The following PDZRN3 variants were observed in gnomAD, a reference collection of about 807,000 sequenced individuals.
PDZRN3 encodes PDZ domain containing ring finger 3.
Under a neutral mutation model 85.7 loss-of-function variants are expected in PDZRN3, and 38 were observed. The observed-to-expected ratio is 0.44, with a 90% CI of 0.34 to 0.58. The LOEUF (loss-of-function observed/expected upper bound fraction) is 0.58, where lower values mean the gene tolerates loss of function less well. Among genes scored for constraint, PDZRN3 ranks in the 20% least tolerant of loss-of-function variants. The pLI is 0.01. For synonymous variants in PDZRN3, 759 were observed against 638.0 expected, an observed-to-expected ratio of 1.19 and a Z score of -2.86; for missense variants, 1,629 against 1,506.4, an observed-to-expected ratio of 1.08 and a Z score of -1.35.
At chr3:73,483,829 T>C (rs1186371657) in intron 3 of PDZRN3, among the ~76,000 whole-genome samples, 3 of 151,874 alleles carry the variant, frequency 2.0e-5, no homozygotes, top group Non-Finnish European at 4.4e-5. Context: ...CCGGCTACAG[T>C]GGGAAGTGGT....
intron 3 of PDZRN3, among the ~76,000 whole-genome samples, chr3:73,576,666 C>T (rs1702128467): frequency 1.3e-5 from 2 of 152,118 alleles, no homozygotes; most frequent in African/African-American, 4.8e-5. Context: ...TGAAATCATC[C>T]AACTTTTGCC....
intron 4 of PDZRN3, 72 bp downstream of exon 4, chr3:73,404,076 C>G: frequency 6.9e-7 from 1 of 1,449,908 alleles, no homozygotes; most frequent in Non-Finnish European, 9.4e-7. Context: ...TTTTTTTCAC[C>G]ACATAGAAGA....
intron 3 of PDZRN3, among the ~76,000 whole-genome samples, chr3:73,404,889 A>G (rs773737413): frequency 6.6e-6 from 1 of 152,220 alleles, no homozygotes; most frequent in African/African-American, 2.4e-5. Flanking sequence ...TATTAAGTAA[A>G]TGACAGTTCA....
At chr3:73,598,946 G>C (rs914407569) in intron 3 of PDZRN3, among the ~76,000 whole-genome samples, 3 of 152,270 alleles carry the variant, frequency 2.0e-5, no homozygotes, top group East Asian at 1.9e-4. Flanking sequence ...ACAACAATAG[G>C]GGTATGTGCC....
intron 3 of PDZRN3, among the ~76,000 whole-genome samples, chr3:73,518,048 T>C (rs1054282706): frequency 6.6e-6 from 1 of 152,218 alleles, no homozygotes. Flanking sequence ...TGAAGAGATA[T>C]TTGGATGCCC....
intron 3 of PDZRN3, among the ~76,000 whole-genome samples, chr3:73,444,351 T>G (rs59912511): frequency 0.031 from 4,768 of 152,308 alleles, 241 homozygotes; most frequent in African/African-American, 0.11. Flanking sequence ...TGAGGGCATG[T>G]CCATCTGTCC....
At chr3:73,533,862 T>C (rs1332133913) in intron 3 of PDZRN3, among the ~76,000 whole-genome samples, 2 of 152,172 alleles carry the variant, frequency 1.3e-5, no homozygotes, top group South Asian at 2.1e-4. Flanking sequence ...TCAGTGAGGT[T>C]AGCCTGACCA....
intron 2 of PDZRN3, among the ~76,000 whole-genome samples, chr3:73,603,382 A>G (rs1222014766): frequency 2.0e-5 from 3 of 152,234 alleles, no homozygotes; most frequent in Non-Finnish European, 4.4e-5. Flanking sequence ...GGCTCCAACA[A>G]GCTCATAAAA....
chr3:73,560,857 G>C (rs1441613740), intron 3 of PDZRN3, among the ~76,000 whole-genome samples: 6 of 152,166 alleles, frequency 3.9e-5, no homozygotes, highest in African/African-American at 1.4e-4. Context: ...CCAGGTGACT[G>C]ACAATGAGTC....
intron 3 of PDZRN3, among the ~76,000 whole-genome samples, chr3:73,408,494 T>G (rs1258016225): frequency 2.0e-5 from 3 of 152,110 alleles, no homozygotes; most frequent in Non-Finnish European, 2.9e-5. Context: ...TAAGGCTTCT[T>G]GACTTCCCAG....
At chr3:73,511,110 G>T (rs944350335) in intron 3 of PDZRN3, among the ~76,000 whole-genome samples, 5 of 152,134 alleles carry the variant, frequency 3.3e-5, no homozygotes, top group African/African-American at 9.7e-5. Flanking sequence ...GTTACCAGTG[G>T]CTACTTTTTT....
At chr3:73,390,631 A>C (rs1029580190) in intron 6 of PDZRN3, among the ~76,000 whole-genome samples, 1 of 84,816 alleles carries the variant, frequency 1.2e-5, no homozygotes, top group Non-Finnish European at 2.4e-5. Context: ...CAAGAGAAAA[A>C]AAAATGTGTG....
In PDZRN3 at chr3:73,426,761, C is replaced by A. The variant is rs1006859912; in HGVS notation, c.919-22366G>T. On this transcript the variant is annotated intron_variant, in intron 3 of 9. Transcript: ENST00000263666. ...TTGTGAAACAAATTGCTGGGCCCCA[C>A]CCCAGCGTTTCTGATTCAGTAGCTC... Among the ~76,000 whole-genome samples the A allele has an allele frequency of 2.6e-5, 4 of 152,272 alleles. 1 individual carries two copies. The South Asian group carries it at 8.3e-4, about 32-fold the overall frequency.
chr3:73,383,307 A>G lies in PDZRN3; in HGVS notation c.*58T>C. 1.3e-6 allele frequency: 2 copies of G among 1,488,556 alleles called. No homozygotes were observed. Among genetic ancestry groups the G allele is most frequent in the South Asian group, 2.7e-5 (2 of 75,004 alleles). The allele number at this position is 1,488,556 out of a possible 1,614,324, so 92.2% of individuals were successfully genotyped here. On this transcript the variant is annotated 3_prime_UTR_variant, in exon 10 of 10. Transcript: ENST00000263666. Reference sequence around the variant, plus strand: ...AAAAACTTGCCGCATTGAACGAGGCAGGAATTTCTACCCCAGTGGTAGTGG... The same window carrying G: ...AAAAACTTGCCGCATTGAACGAGGCGGGAATTTCTACCCCAGTGGTAGTGG...
intron 3 of PDZRN3, among the ~76,000 whole-genome samples, chr3:73,545,720 G>A (rs1198119686): frequency 6.6e-6 from 1 of 152,080 alleles, no homozygotes; most frequent in Non-Finnish European, 1.5e-5. Flanking sequence ...AATAAAAATC[G>A]CTGGATCTTT....
chr3:73,482,450 G>A (rs1008441196), intron 3 of PDZRN3, among the ~76,000 whole-genome samples: 7 of 152,108 alleles, frequency 4.6e-5, no homozygotes, highest in African/African-American at 1.4e-4. Flanking sequence ...CCTCTCCTAC[G>A]CGTTTATAGT....
At chr3:73,544,836 T>C (rs1468807227) in intron 3 of PDZRN3, among the ~76,000 whole-genome samples, 2 of 152,224 alleles carry the variant, frequency 1.3e-5, no homozygotes, top group African/African-American at 4.8e-5. Context: ...GCTGATTATA[T>C]GCCAGGCATC....
intron 3 of PDZRN3, among the ~76,000 whole-genome samples, chr3:73,483,057 C>T (rs1277018260): frequency 6.6e-6 from 1 of 152,180 alleles, no homozygotes; most frequent in Non-Finnish European, 1.5e-5. Context: ...GCTTTATAAT[C>T]CAGGGTAGAA....
chr3:73,532,146 G>A lies in PDZRN3; in HGVS notation c.918+70208C>T, dbSNP rs533076053. On this transcript the variant is annotated intron_variant, in intron 3 of 9. Transcript: ENST00000263666. ...CTCCCGAGTAGCTGGGATTACAGGC[G>A]CCCACCACCACGCCCATCTGATTTT... 8.6e-5 allele frequency among the ~76,000 whole-genome samples: 13 copies of A among 151,948 alleles called. No homozygotes were observed. In the East Asian group the frequency reaches 1.4e-3, roughly 16 times the overall value.
Sources: allele counts gnomAD v4.1 joint callset (sites outside exome capture counted in the v4.1 genomes callset), GRCh38; gene constraint gnomAD v4.1.1; transcripts MANE v1.5; gene names NCBI Gene and HGNC (gene_info 2026-07-23, HGNC 2026-07-21).